The following RBBP4 variants were observed in gnomAD, a reference collection of about 807,000 sequenced individuals.
The protein encoded by RBBP4 is histone-binding protein RBBP4.
Under a neutral mutation model 57.2 loss-of-function variants are expected in RBBP4, and 3 were observed. The ratio of observed to expected loss-of-function variants is 0.05; its 90% CI spans 0.02 to 0.14. The LOEUF (loss-of-function observed/expected upper bound fraction) is 0.14. RBBP4 is among the 10% of genes least tolerant of loss of function. The probability of loss-of-function intolerance (pLI) is 1.00; values close to 1 mark genes in which losing one functional copy is unlikely to be tolerated. For synonymous variants in RBBP4, 151 were observed against 171.5 expected (o/e 0.88, Z 0.93); for missense variants, 107 against 520.6 (o/e 0.21, Z 7.73).
chr1:32,658,474 T>A (rs1648241552), intron 3 of RBBP4, among the ~76,000 whole-genome samples: 1 of 151,894 alleles, frequency 6.6e-6, no homozygotes, highest in Non-Finnish European at 1.5e-5. Context: ...TAAGTTCCAA[T>A]GAGTTGTTTA....
At position 32,683,775 on chromosome 1, in the gene RBBP4, A is replaced by G. The variant is rs943113379; in HGVS notation, c.*4070A>G. The G allele has an allele frequency of 1.8e-5, 8 of 447,238 alleles. No homozygotes were observed. The highest frequency in any genetic ancestry group is 8.0e-5 in the African/African-American group (4 of 49,764). 27.7% of individuals were successfully genotyped at this position (447,238 alleles called of 1,614,324 possible). ...GGCCTCCTGAGTAGCTGGGATTATA[A>G]GTGCCTGCCACTATGCCCGGCTAAT... On this transcript the variant is annotated 3_prime_UTR_variant, in exon 12 of 12. Transcript: ENST00000373493.
In RBBP4 at chr1:32,669,419, T is replaced by G. The variant is rs999639578; in HGVS notation, c.888+62T>G. 2 of 1,570,394 alleles carry G rather than the reference T, an allele frequency of 1.3e-6. No homozygotes were observed. Among genetic ancestry groups the G allele is most frequent in the Non-Finnish European group, 1.7e-6 (2 of 1,165,654 alleles). ...TCTAGGTTTTTTTGAATTGCAGAGA[T>G]ATTTTACTTACAGTATTTTTTTTTT... On this transcript the variant is annotated intron_variant, in intron 7 of 11. Transcript: ENST00000373493. The surrounding 1 kb of genome is among the most constrained non-coding windows in gnomAD (Gnocchi z 4.9).
chr1:32,658,924 A>T (rs556002161), intron 3 of RBBP4, among the ~76,000 whole-genome samples: 1 of 90,962 alleles, frequency 1.1e-5, no homozygotes, highest in Non-Finnish European at 2.1e-5. Context: ...TACACAATAT[A>T]AATGTTATAT....
intron 8 of RBBP4, among the ~76,000 whole-genome samples, chr1:32,670,482 T>C (rs574543622): frequency 1.8e-4 from 28 of 152,094 alleles, no homozygotes; most frequent in Non-Finnish European, 4.0e-4. Flanking sequence ...AAATAATCAC[T>C]GCACTATGTT....
chr1:32,659,138 TTA>T (rs951671987), intron 3 of RBBP4, among the ~76,000 whole-genome samples: 12 of 145,048 alleles, frequency 8.3e-5, no homozygotes, highest in Non-Finnish European at 1.4e-4. Context: ...CATATAAATT[TTA>T]TATATATAAA....
chr1:32,668,402 T>G lies in RBBP4; in HGVS notation c.484+4T>G, dbSNP rs1363946479. On this transcript the variant is annotated splice_donor_region_variant and intron_variant, in intron 4 of 11. Transcript: ENST00000373493. The stretch of plus-strand genomic sequence containing the variant: ...ACAAAACATCCTTCTAAACCAGGTA[T>G]GTGCCCTTTTCTATTCAAATACAAA... 1 of 1,579,610 alleles carries G rather than the reference T, an allele frequency of 6.3e-7. No homozygotes were observed. Among genetic ancestry groups the G allele is most frequent in the Non-Finnish European group, 8.7e-7 (1 of 1,151,526 alleles).
rs537852964 is a variant in RBBP4 at position 32,684,324 on chromosome 1, T to C, written c.*4619T>C. 17 of 1,614,222 alleles carry C rather than the reference T, an allele frequency of 1.1e-5. No homozygotes were observed. In the South Asian group the frequency reaches 1.5e-4, roughly 15 times the overall value. On this transcript the variant is annotated 3_prime_UTR_variant, in exon 12 of 12. Transcript: ENST00000373493. Reference sequence around the variant, plus strand: ...TTCCATCTCTTTGTTCTTCTGTTGCTGGAGTTGCACCCCATTTCTTAACTG... The same window carrying C: ...TTCCATCTCTTTGTTCTTCTGTTGCCGGAGTTGCACCCCATTTCTTAACTG...
chr1:32,666,672 A>G (rs1490683849), intron 3 of RBBP4, among the ~76,000 whole-genome samples: 1 of 152,138 alleles, frequency 6.6e-6, no homozygotes, highest in Non-Finnish European at 1.5e-5. Flanking sequence ...CTTTATTAAG[A>G]TCTGTTTTTG....
chr1:32,652,666 C>T (rs1211339682), intron 2 of RBBP4, among the ~76,000 whole-genome samples: 1 of 152,126 alleles, frequency 6.6e-6, no homozygotes, highest in Admixed American at 6.6e-5. Context: ...TAAGCCCTCC[C>T]AAGTAGCTGG....
At position 32,680,422 on chromosome 1, in the gene RBBP4, G is replaced by A; in HGVS notation, c.*717G>A. ...TAAAGATGTATGTTTTTACCTGACA[G>A]TTATACCACAGGTAGACTGTCAAGT... On this transcript the variant is annotated 3_prime_UTR_variant, in exon 12 of 12. Coordinates refer to ENST00000373493, the MANE Select transcript of RBBP4 (RefSeq NM_005610.3). 1 of 1,257,408 alleles carries A rather than the reference G, an allele frequency of 8.0e-7. No individual in the cohort carries two copies. The highest frequency in any genetic ancestry group is 1.0e-6 in the Non-Finnish European group (1 of 983,320). The allele number at this position is 1,257,408 out of a possible 1,614,324, so 77.9% of individuals were successfully genotyped here. A position where few individuals can be genotyped will look rare whatever the true frequency, so the allele number is the denominator to read the frequency against.
chr1:32,673,004 T>C (rs1320511), intron 11 of RBBP4, 103 bp downstream of exon 11: 894,435 of 956,258 alleles, frequency 0.94, 421,219 homozygotes, highest in Non-Finnish European at 0.96. Context: ...CTGTTCATTT[T>C]ACTCCCAGGT....
Position 32,672,917 on chromosome 1 carries a change from T to C in RBBP4, c.1212+16T>C, listed in dbSNP as rs779575254. 1.9e-6 allele frequency: 3 copies of C among 1,559,446 alleles called. No homozygotes were observed. Among genetic ancestry groups the C allele is most frequent in the Non-Finnish European group, 2.6e-6 (3 of 1,133,794 alleles). On this transcript the variant is annotated intron_variant, in intron 11 of 11. Transcript: ENST00000373493. Reference sequence around the variant, plus strand: ...GTGGCAAATGGTAAGGGTTTAGTAATTTATTTTGGGGAGGTGAAATAAGTG... The same window carrying C: ...GTGGCAAATGGTAAGGGTTTAGTAACTTATTTTGGGGAGGTGAAATAAGTG...
chr1:32,682,172 T>C lies in RBBP4; in HGVS notation c.*2467T>C. 1 of 310,726 alleles carries C rather than the reference T, an allele frequency of 3.2e-6. No individual in the cohort carries two copies. The allele number at this position is 310,726 out of a possible 1,614,324, so 19.2% of individuals were successfully genotyped here. On this transcript the variant is annotated 3_prime_UTR_variant, in exon 12 of 12. Coordinates refer to ENST00000373493, the MANE Select transcript of RBBP4 (RefSeq NM_005610.3). ...GTACACAATCTGATCAACACAAAGG[T>C]AGTTAGTAGATCATTAACCTCAATT...
chr1:32,668,710 G>A (rs1648754086), intron 4 of RBBP4, 29 bp from the exon 5 acceptor site: 1 of 1,565,198 alleles, frequency 6.4e-7, no homozygotes, highest in Non-Finnish European at 8.8e-7. Flanking sequence ...AGTGGACTGG[G>A]TAGTCTTGAT....
chr1:32,656,055 C>T (rs1648126495), intron 2 of RBBP4, among the ~76,000 whole-genome samples: 1 of 152,230 alleles, frequency 6.6e-6, no homozygotes, highest in Admixed American at 6.5e-5. Context: ...GCATTCAGAA[C>T]ACTAAATAGT....
chr1:32,677,309 G>A (rs1649143606), intron 11 of RBBP4, among the ~76,000 whole-genome samples: 1 of 151,958 alleles, frequency 6.6e-6, no homozygotes, highest in South Asian at 2.1e-4. Context: ...GCCAGAGATT[G>A]AACTCTATAA....
At chr1:32,665,514 C>G (rs953676181) in intron 3 of RBBP4, among the ~76,000 whole-genome samples, 1 of 151,980 alleles carries the variant, frequency 6.6e-6, no homozygotes, top group Admixed American at 6.6e-5. Flanking sequence ...CCCGTCTCTA[C>G]TAAAAATGCA....
In RBBP4 at chr1:32,670,679, TCTC is replaced by T. The variant is rs566330215; in HGVS notation, c.966+1119_966+1121del. 3.9e-3 allele frequency among the ~76,000 whole-genome samples: 590 copies of T among 152,250 alleles called. 4 individuals carry two copies. Among genetic ancestry groups the T allele is most frequent in the African/African-American group, 0.014 (574 of 41,536 alleles). On this transcript the variant is annotated intron_variant, in intron 8 of 11. Coordinates refer to ENST00000373493, the MANE Select transcript of RBBP4 (RefSeq NM_005610.3). ...CCTCCACTTCCCAGGCTAAAGGGAT[TCTC>T]CTGCCTCAGCCTCCCAAAGTGCTGG...
At chr1:32,665,943 C>T (rs1648626769) in intron 3 of RBBP4, among the ~76,000 whole-genome samples, 1 of 152,158 alleles carries the variant, frequency 6.6e-6, no homozygotes, top group African/African-American at 2.4e-5. Context: ...TTATATATTG[C>T]TTTGCCAAGA....
Sources: allele counts gnomAD v4.1 joint callset (sites outside exome capture counted in the v4.1 genomes callset), GRCh38; gene constraint gnomAD v4.1.1; non-coding constraint Gnocchi (gnomAD v3.1); transcripts MANE v1.5; gene names NCBI Gene and HGNC (gene_info 2026-07-23, HGNC 2026-07-21).